The following C2 variants were observed in gnomAD, a reference collection of about 807,000 sequenced individuals.
C2 encodes the protein complement C2.
Under a neutral mutation model 85.2 loss-of-function variants are expected in C2, and 64 were observed. The ratio of observed to expected loss-of-function variants is 0.75; its 90% CI spans 0.61 to 0.92. The LOEUF is 0.92. Among genes scored for constraint, C2 ranks in the 40% least tolerant of loss-of-function variants. The pLI is 0.00. For missense variants in C2, 820 were observed against 971.6 expected (o/e 0.84, Z 2.07); for synonymous variants, 311 against 370.8 (o/e 0.84, Z 1.85).
At chr6:31,927,519 G>A (rs1769347952), upstream of C2, 1 of 1,445,294 alleles carries the variant, frequency 6.9e-7, no homozygotes, top group East Asian at 2.5e-5. The surrounding 1 kb of genome is among the most constrained non-coding windows in gnomAD (Gnocchi z 4.7). Flanking sequence ...GAGATCTATT[G>A]ACCCTATAGA....
At chr6:31,914,363 T>TGGGTGGATCATGA (rs1554274270) in intron 1 of C2, among the ~76,000 whole-genome samples, 4 of 140,268 alleles carry the variant, frequency 2.9e-5, no homozygotes, top group Non-Finnish European at 6.2e-5. Flanking sequence ...GAGGCCGAGG[T>TGGGTGGATCATGA]GGGCGGATCA....
In C2 at chr6:31,936,154, G is replaced by T. The variant is rs9332740; in HGVS notation, c.988+93G>T. On this transcript the variant is annotated intron_variant, in intron 7 of 17. Transcript: ENST00000299367. ...ATTCTGGATGAGTTAAAAAGAGAGT[G>T]AGGCCTCTTGGTGGCACCTGAGTCC... 7,489 of 1,412,232 alleles carry T rather than the reference G, an allele frequency of 5.3e-3. 34 individuals are homozygous for T. Among genetic ancestry groups the T allele is most frequent in the Non-Finnish European group, 6.0e-3 (6,123 of 1,023,380 alleles). The allele number at this position is 1,412,232 out of a possible 1,614,324, so 87.5% of individuals were successfully genotyped here. A position where few individuals can be genotyped will look rare whatever the true frequency, so the allele number is the denominator to read the frequency against.
chr6:31,931,241 G>A (rs988103451), intron 3 of C2, among the ~76,000 whole-genome samples: 7 of 151,588 alleles, frequency 4.6e-5, no homozygotes, highest in Admixed American at 1.3e-4. Context: ...GGGCCATTAG[G>A]AGTAAAGCTC....
chr6:31,901,961 C>G (rs1458760412), intron 1 of C2: 2 of 147,542 alleles, frequency 1.4e-5, no homozygotes, highest in Non-Finnish European at 3.0e-5. Flanking sequence ...GCACGGGACG[C>G]GCGCGCGCGC....
intron 1 of C2, among the ~76,000 whole-genome samples, chr6:31,911,106 C>A (rs1414606152): frequency 6.6e-6 from 1 of 152,116 alleles, no homozygotes; most frequent in Non-Finnish European, 1.5e-5. Flanking sequence ...CGAGACCAGC[C>A]TGAGCAACAA....
chr6:31,915,999 A>G (rs1384861359), upstream of C2, among the ~76,000 whole-genome samples: 2 of 152,244 alleles, frequency 1.3e-5, no homozygotes, highest in African/African-American at 2.4e-5. Flanking sequence ...TTTGTGCTCC[A>G]GGAATGTGGA....
chr6:31,902,762 C>T (rs1767448691), intron 1 of C2, among the ~76,000 whole-genome samples: 1 of 152,218 alleles, frequency 6.6e-6, no homozygotes, highest in African/African-American at 2.4e-5. Flanking sequence ...CCCGCCCTCC[C>T]CTCCATTCTC....
At chr6:31,925,841 C>T (rs757369795), upstream of C2, among the ~76,000 whole-genome samples, 3 of 152,208 alleles carry the variant, frequency 2.0e-5, no homozygotes, top group South Asian at 4.2e-4. Flanking sequence ...CCCACCTTTA[C>T]GATAGTTTAT....
At chr6:31,938,689 C>T (rs896304679) in intron 8 of C2, among the ~76,000 whole-genome samples, 2 of 151,586 alleles carry the variant, frequency 1.3e-5, no homozygotes, top group Non-Finnish European at 2.9e-5. Context: ...GATGGAGTTT[C>T]ACTCTTGTTG....
intron 9 of C2, 105 bp from the exon 10 acceptor site, chr6:31,942,854 C>G: frequency 7.0e-7 from 1 of 1,429,384 alleles, no homozygotes; most frequent in Non-Finnish European, 9.8e-7. Flanking sequence ...GGGTCCAGCT[C>G]ATGTAGGTCT....
upstream of C2, among the ~76,000 whole-genome samples, chr6:31,916,602 G>C (rs1768526530): frequency 3.3e-5 from 5 of 150,470 alleles, no homozygotes; most frequent in South Asian, 1.1e-3. Context: ...GTTGTGTGCA[G>C]TGGAGTTCGA....
At chr6:31,914,540 G>A (rs1300305208) in intron 1 of C2, among the ~76,000 whole-genome samples, 3 of 148,114 alleles carry the variant, frequency 2.0e-5, no homozygotes, top group Non-Finnish European at 4.5e-5. Context: ...GCAGTGAGCC[G>A]AGATCGTGCC....
Position 31,945,143 on chromosome 6 carries a change from G to A in C2, c.2080-35G>A, listed in dbSNP as rs1278561219. ...GGTTGGGGCTTACAGTTGGGGCTGT[G>A]GCAGCCTCCCAGCCAGTTCTCTCCT... On this transcript the variant is annotated intron_variant, in intron 17 of 17. Coordinates refer to ENST00000299367, the MANE Select transcript of C2 (RefSeq NM_000063.6). The surrounding 1 kb of genome is among the most constrained non-coding windows in gnomAD (Gnocchi z 5.3). 2 of 1,611,924 alleles carry A rather than the reference G, an allele frequency of 1.2e-6. No homozygotes were observed. The highest frequency in any genetic ancestry group is 1.7e-4 in the Middle Eastern group (1 of 6,046).
chr6:31,897,793 CCT>C (rs1766790650), upstream of C2: 1 of 992,172 alleles, frequency 1.0e-6, no homozygotes, highest in Admixed American at 5.1e-5. Flanking sequence ...GCCATTTTCC[CCT>C]GAGAGCGGCC....
chr6:31,905,664 G>C (rs536615262), intron 1 of C2, among the ~76,000 whole-genome samples: 2 of 151,972 alleles, frequency 1.3e-5, no homozygotes, highest in African/African-American at 4.8e-5. Flanking sequence ...ATTTGACTAG[G>C]GATGCAAGGA....
chr6:31,935,964 C>T lies in C2; in HGVS notation c.891C>T (p.Thr297=), dbSNP rs1770375298. The change falls in exon 7 of 18, where the codon ACC becomes ACT. Residue 297 remains threonine (T), a synonymous_variant. Coordinates refer to ENST00000299367, the MANE Select transcript of C2 (RefSeq NM_000063.6). This position sits in a 1 kb window ranked among gnomAD's most constrained non-coding sequence, Gnocchi z 4.3. ...FEINVSVAII[T]FASEPKVLMS... ...TCAATGTGAGCGTTGCCATTATCAC[C>T]TTTGCCTCAGAGCCCAAAGTCCTCA... is the stretch of plus-strand genomic sequence containing the variant. 1 of 1,613,028 alleles carries T rather than the reference C, an allele frequency of 6.2e-7. No homozygotes were observed. Among genetic ancestry groups the T allele is most frequent in the African/African-American group, 1.3e-5 (1 of 75,026 alleles).
Position 31,944,124 on chromosome 6 carries a change from CTT to C in C2, c.1811-10_1811-9del. 6.2e-7 allele frequency: 1 copy of C among 1,610,542 alleles called. No homozygotes were observed. The highest frequency in any genetic ancestry group is 8.5e-7 in the Non-Finnish European group (1 of 1,177,736). On this transcript the variant is annotated splice_polypyrimidine_tract_variant and intron_variant, in intron 14 of 17. Transcript: ENST00000299367. This position sits in a 1 kb window ranked among gnomAD's most constrained non-coding sequence, Gnocchi z 5.1. ...AGGACCAGCACCAACATCCCCTTCT[CTT>C]GACTATAGAGAATGAACTGCTGAAC...
At chr6:31,936,464 G>A in intron 7 of C2, 1 of 295,038 alleles carries the variant, frequency 3.4e-6, no homozygotes, top group Non-Finnish European at 6.6e-6. Context: ...GGACTTTAGT[G>A]TGGTCTTGGA....
chr6:31,902,949 TCTC>T (rs1373264027), intron 1 of C2, among the ~76,000 whole-genome samples: 1 of 152,070 alleles, frequency 6.6e-6, no homozygotes, highest in African/African-American at 2.4e-5. Context: ...ATTCCTCACC[TCTC>T]CTCCAGACTG....
Sources: gnomAD v4.1 joint callset for allele counts (sites outside exome capture counted in the v4.1 genomes callset) on GRCh38, gnomAD v4.1.1 for gene constraint, Gnocchi (gnomAD v3.1) non-coding constraint, MANE v1.5 for transcripts, NCBI Gene and HGNC (gene_info 2026-07-23, HGNC 2026-07-21) for gene names.